Variants in SWAP70 observed in about 807,000 individuals in gnomAD.
The protein encoded by SWAP70 is switch-associated protein 70.
Under a neutral mutation model 80.2 loss-of-function variants are expected in SWAP70, and 34 were observed. The ratio of observed to expected loss-of-function variants is 0.42; its 90% CI spans 0.32 to 0.56. The LOEUF is 0.56. SWAP70 is among the 20% of genes least tolerant of loss of function. SWAP70 has a pLI of 0.09. For missense variants in SWAP70, 578 were observed against 690.7 expected, an observed-to-expected ratio of 0.84 and a Z score of 1.83; for synonymous variants, 239 against 238.5, an observed-to-expected ratio of 1.00 and a Z score of -0.02.
chr11:9,700,303 A>C (rs1204930740), intron 2 of SWAP70, among the ~76,000 whole-genome samples: 1 of 152,130 alleles, frequency 6.6e-6, no homozygotes, highest in Non-Finnish European at 1.5e-5. Flanking sequence ...AGCCACCTGG[A>C]GTGGAATTTT....
Position 9,672,530 on chromosome 11 carries a change from AT to A in SWAP70, c.99+8276del, listed in dbSNP as rs58704706. ...GGGTGTATGCCACCACACCTGGCTA[AT>A]TTTTTTTTTTTTTTTTTTTTTTTGT... is the stretch of plus-strand genomic sequence containing the variant. On this transcript the variant is annotated intron_variant, in intron 1 of 11. Coordinates refer to ENST00000318950, the MANE Select transcript of SWAP70 (RefSeq NM_015055.4). 4.3e-3 allele frequency among the ~76,000 whole-genome samples: 378 copies of A among 88,390 alleles called. 1 individual carries two copies. Among genetic ancestry groups the A allele is most frequent in the African/African-American group, 0.015 (297 of 20,440 alleles). The allele number at this position is 88,390 out of a possible 152,430, so 58.0% of individuals were successfully genotyped here.
At chr11:9,682,805 T>C (rs1850584317) in intron 1 of SWAP70, among the ~76,000 whole-genome samples, 1 of 152,176 alleles carries the variant, frequency 6.6e-6, no homozygotes, top group Admixed American at 6.5e-5. Flanking sequence ...GCCTCCCAAG[T>C]AGCTGGGATT....
At chr11:9,728,332 G>A (rs1851253180) in intron 5 of SWAP70, 133 bp downstream of exon 5, 2 of 1,028,580 alleles carry the variant, frequency 1.9e-6, no homozygotes, top group Non-Finnish European at 2.6e-6. Context: ...AAATAATATA[G>A]GCATGCAGTT....
chr11:9,707,552 C>CTTTTTTTTTTTTTT (rs200003596), intron 2 of SWAP70, among the ~76,000 whole-genome samples: 1 of 132,280 alleles, frequency 7.6e-6, no homozygotes, highest in Non-Finnish European at 1.6e-5. Flanking sequence ...TTTTCTTTTT[C>CTTTTTTTTTTTTTT]TTTTCTTTTT....
At chr11:9,738,781 A>G (rs1261722044) in intron 8 of SWAP70, among the ~76,000 whole-genome samples, 1 of 151,354 alleles carries the variant, frequency 6.6e-6, no homozygotes, top group Non-Finnish European at 1.5e-5. Flanking sequence ...GGATTGCTTG[A>G]GCCCAGGAGT....
chr11:9,681,484 A>G (rs1000751456), intron 1 of SWAP70, among the ~76,000 whole-genome samples: 1 of 152,230 alleles, frequency 6.6e-6, no homozygotes, highest in East Asian at 1.9e-4. Flanking sequence ...GTTTTTAGGT[A>G]GATATATGGC....
At chr11:9,698,785 AT>A (rs1294502516) in intron 2 of SWAP70, among the ~76,000 whole-genome samples, 1 of 152,000 alleles carries the variant, frequency 6.6e-6, no homozygotes, top group Non-Finnish European at 1.5e-5. Context: ...CTTCATATTT[AT>A]TTTTTTAATT....
At chr11:9,746,822 G>A (rs1035162901) in intron 9 of SWAP70, among the ~76,000 whole-genome samples, 3 of 152,250 alleles carry the variant, frequency 2.0e-5, no homozygotes, top group African/African-American at 7.2e-5. Flanking sequence ...GCAACGAGTG[G>A]TAGCCCATCA....
chr11:9,690,099 C>G (rs1285440312), intron 1 of SWAP70, among the ~76,000 whole-genome samples: 1 of 152,164 alleles, frequency 6.6e-6, no homozygotes, highest in Non-Finnish European at 1.5e-5. Flanking sequence ...GACTCAGCCT[C>G]TTCGTCTGTA....
intron 1 of SWAP70, among the ~76,000 whole-genome samples, chr11:9,682,227 A>C (rs1385918883): frequency 6.6e-6 from 1 of 152,218 alleles, no homozygotes; most frequent in East Asian, 1.9e-4. Flanking sequence ...CTGCTTGGTT[A>C]GCCTGAAGGT....
intron 9 of SWAP70, among the ~76,000 whole-genome samples, chr11:9,743,429 TG>T (rs1008910710): frequency 6.6e-6 from 1 of 151,956 alleles, no homozygotes; most frequent in Non-Finnish European, 1.5e-5. Flanking sequence ...ATGGGATGGC[TG>T]GGTCAAATGG....
chr11:9,710,698 T>A (rs2252446), intron 2 of SWAP70, among the ~76,000 whole-genome samples: 3 of 148,670 alleles, frequency 2.0e-5, no homozygotes, highest in African/African-American at 7.4e-5. Context: ...TTTTTTTTTT[T>A]ATTAAGTGTC....
At chr11:9,667,963 A>T (rs367994373) in intron 1 of SWAP70, among the ~76,000 whole-genome samples, 1 of 152,222 alleles carries the variant, frequency 6.6e-6, no homozygotes, top group East Asian at 1.9e-4. Context: ...ATCTTGGCTC[A>T]CTGCAACCTC....
At chr11:9,730,052 A>G (rs1851276418) in intron 6 of SWAP70, among the ~76,000 whole-genome samples, 1 of 152,188 alleles carries the variant, frequency 6.6e-6, no homozygotes, top group Non-Finnish European at 1.5e-5. Context: ...CTGGGCTTTT[A>G]GTGTAATCAT....
intron 9 of SWAP70, among the ~76,000 whole-genome samples, chr11:9,743,048 C>T (rs55959510): frequency 3.5e-5 from 4 of 114,388 alleles, no homozygotes; most frequent in Admixed American, 9.5e-5. Flanking sequence ...ATCCCTCCCC[C>T]CTCCCCCCAC....
At chr11:9,703,912 G>C (rs1275739870) in intron 2 of SWAP70, among the ~76,000 whole-genome samples, 3 of 152,166 alleles carry the variant, frequency 2.0e-5, no homozygotes, top group East Asian at 3.9e-4. Context: ...TTTGAGGTTA[G>C]AAATGTATAT....
At chr11:9,745,524 T>G (rs1305289580) in intron 9 of SWAP70, among the ~76,000 whole-genome samples, 1 of 152,246 alleles carries the variant, frequency 6.6e-6, no homozygotes, top group Non-Finnish European at 1.5e-5. Context: ...TGAAAAGTTC[T>G]ACAGTTTCAT....
At chr11:9,723,852 A>C (rs1163160813) in intron 3 of SWAP70, among the ~76,000 whole-genome samples, 1 of 148,924 alleles carries the variant, frequency 6.7e-6, no homozygotes, top group Non-Finnish European at 1.5e-5. Flanking sequence ...CGCTCACTGC[A>C]ACCTCTGTCT....
At position 9,684,616 on chromosome 11, in the gene SWAP70, G is replaced by A. The variant is rs570387316; in HGVS notation, c.100-9530G>A. On this transcript the variant is annotated intron_variant, in intron 1 of 11. Transcript: ENST00000318950. ...TTCTCTACTAGATCTCAGGCCAGACGAGTTGTGCTTGGCTAGTTCTGGTGG... is the reference window on the plus strand; with the variant it reads ...TTCTCTACTAGATCTCAGGCCAGACAAGTTGTGCTTGGCTAGTTCTGGTGG... Among the ~76,000 whole-genome samples the A allele has an allele frequency of 3.3e-5, 5 of 152,160 alleles. No homozygotes were observed. The East Asian group carries it at 5.8e-4, about 18-fold the overall frequency.
Sources: allele counts gnomAD v4.1 joint callset (sites outside exome capture counted in the v4.1 genomes callset), GRCh38; gene constraint gnomAD v4.1.1; transcripts MANE v1.5; gene names NCBI Gene and HGNC (gene_info 2026-07-23, HGNC 2026-07-21).